The following ABCA13 variants were observed in gnomAD, a reference collection of about 807,000 sequenced individuals.
ABCA13 encodes the protein ATP-binding cassette sub-family A member 13.
A neutral mutation model predicts 478.7 loss-of-function variants in ABCA13; 476 were observed. The ratio of observed to expected loss-of-function variants is 0.99; its 90% CI spans 0.92 to 1.07. The LOEUF (loss-of-function observed/expected upper bound fraction) is 1.07, where lower values mean the gene tolerates loss of function less well. Ranked by LOEUF, ABCA13 falls within the 50% of genes least tolerant of loss-of-function variation. ABCA13 has a pLI of 0.00. For synonymous variants in ABCA13, 2,252 were observed against 2,158.9 expected (o/e 1.04, Z -1.20); for missense variants, 6,060 against 5,910.6 (o/e 1.03, Z -0.83).
At chr7:48,319,818 A>C (rs1221787242) in intron 27 of ABCA13, among the ~76,000 whole-genome samples, 1 of 152,072 alleles carries the variant, frequency 6.6e-6, no homozygotes, top group Non-Finnish European at 1.5e-5. Flanking sequence ...CTTCTCCTCT[A>C]TCTGTGAAAT....
chr7:48,272,685 A>T lies in ABCA13; in HGVS notation c.3019A>T (p.Ile1007Phe). 6.2e-7 allele frequency: 1 copy of T among 1,612,636 alleles called. No individual in the cohort carries two copies. Among genetic ancestry groups the T allele is most frequent in the South Asian group, 1.1e-5 (1 of 90,966 alleles). The change falls in exon 17 of 62, where the codon ATC becomes TTC. Residue 1007 changes from isoleucine (I) to phenylalanine (F), a missense_variant. Ile to Phe is a conservative substitution (Grantham distance 21). Transcript: ENST00000435803. ...CATAAAACAATTTAATTTCCAAAAC[A>T]TCAGTAAAGCATTTGCATTTTTATT... ...DIIKQFNFQN[I>F]SKAFAFLFKT...
intron 27 of ABCA13, among the ~76,000 whole-genome samples, chr7:48,320,124 C>G (rs1459993743): frequency 6.6e-6 from 1 of 152,150 alleles, no homozygotes; most frequent in Non-Finnish European, 1.5e-5. Context: ...ATTAAAATTT[C>G]AACAAGTTTA....
intron 59 of ABCA13, among the ~76,000 whole-genome samples, chr7:48,632,712 T>C (rs1004270372): frequency 6.6e-6 from 1 of 152,196 alleles, no homozygotes; most frequent in Non-Finnish European, 1.5e-5. Context: ...CTGGGCTTTA[T>C]GGTCAACTGA....
At chr7:48,305,012 C>T (rs781007478) in intron 23 of ABCA13, among the ~76,000 whole-genome samples, 2 of 152,232 alleles carry the variant, frequency 1.3e-5, no homozygotes, top group Non-Finnish European at 2.9e-5. Context: ...AATTCTTATT[C>T]ATCTTTTCCC....
chr7:48,249,635 A>G (rs999100025), intron 15 of ABCA13, among the ~76,000 whole-genome samples: 7 of 152,156 alleles, frequency 4.6e-5, no homozygotes, highest in East Asian at 3.8e-4. Flanking sequence ...AAATACTTCT[A>G]TATGCAGACT....
chr7:48,572,751 C>T (rs1313033777), intron 55 of ABCA13, among the ~76,000 whole-genome samples: 1 of 151,910 alleles, frequency 6.6e-6, no homozygotes, highest in Non-Finnish European at 1.5e-5. Context: ...GAATAATGGC[C>T]TCAGTAAGTA....
intron 42 of ABCA13, among the ~76,000 whole-genome samples, chr7:48,442,603 T>C (rs999134893): frequency 5.9e-5 from 9 of 152,228 alleles, no homozygotes; most frequent in Non-Finnish European, 1.2e-4. Context: ...AGAATATACA[T>C]AAATCACTGA....
intron 31 of ABCA13, among the ~76,000 whole-genome samples, chr7:48,357,535 G>T (rs1168530412): frequency 1.3e-5 from 2 of 151,934 alleles, no homozygotes; most frequent in Non-Finnish European, 2.9e-5. Flanking sequence ...GGCAGAGGAG[G>T]ATGGTTTCTC....
intron 20 of ABCA13, among the ~76,000 whole-genome samples, chr7:48,294,408 A>G (rs565558266): frequency 3.5e-5 from 5 of 142,412 alleles, no homozygotes; most frequent in African/African-American, 1.0e-4. Context: ...CCACCACCCT[A>G]TGCTTTGTTT....
At chr7:48,341,078 A>G (rs1206931727) in intron 29 of ABCA13, among the ~76,000 whole-genome samples, 1 of 152,196 alleles carries the variant, frequency 6.6e-6, no homozygotes, top group South Asian at 2.1e-4. Flanking sequence ...TGACCATTTT[A>G]GTAGTTATAA....
chr7:48,202,526 C>T (rs886185669), intron 3 of ABCA13, among the ~76,000 whole-genome samples: 1 of 150,612 alleles, frequency 6.6e-6, no homozygotes. Flanking sequence ...TACAGAGTGT[C>T]GATTGTTGCA....
chr7:48,292,913 G>A (rs577439289), intron 20 of ABCA13, among the ~76,000 whole-genome samples: 1 of 152,278 alleles, frequency 6.6e-6, no homozygotes, highest in South Asian at 2.1e-4. Context: ...CTGGCACTTG[G>A]CAGGTGCTCC....
chr7:48,244,576 A>AT lies in ABCA13; in HGVS notation c.1265dup (p.Leu422PhefsTer27), dbSNP rs1464898770. On this transcript the variant is annotated frameshift_variant and splice_region_variant, in exon 11 of 62. Transcript: ENST00000435803. LOFTEE classifies it high-confidence loss of function. ...TTCATTTATTTATTTTTGCCCTCAG[A>AT]TTACAGCATCTGTGGAAATTGCAAA... The AT allele has an allele frequency of 5.0e-6, 8 of 1,612,394 alleles. No homozygotes were observed. In the African/African-American group the frequency reaches 1.1e-4, roughly 22 times the overall value.
At position 48,645,745 on chromosome 7, in the gene ABCA13, T is replaced by C. The variant is rs1222605263; in HGVS notation, c.*233T>C. 1 of 448,710 alleles carries C rather than the reference T, an allele frequency of 2.2e-6. No homozygotes were observed. Among genetic ancestry groups the C allele is most frequent in the Non-Finnish European group, 4.0e-6 (1 of 250,314 alleles). 27.8% of individuals were successfully genotyped at this position (448,710 alleles called of 1,614,324 possible). A position where few individuals can be genotyped will look rare whatever the true frequency, so the allele number is the denominator to read the frequency against. On this transcript the variant is annotated 3_prime_UTR_variant, in exon 62 of 62. Transcript: ENST00000435803. ...GCTCCTCCAAAACATTTGTTCTCTT[T>C]ACCATGCCAGATGGACACCAGCTTC...
chr7:48,499,560 T>G (rs547507731), intron 48 of ABCA13, among the ~76,000 whole-genome samples: 1 of 152,302 alleles, frequency 6.6e-6, no homozygotes, highest in African/African-American at 2.4e-5. Flanking sequence ...CCATAACAGA[T>G]GTAGCCATAA....
At chr7:48,415,513 A>G (rs1400020007) in intron 41 of ABCA13, among the ~76,000 whole-genome samples, 1 of 152,204 alleles carries the variant, frequency 6.6e-6, no homozygotes, top group Non-Finnish European at 1.5e-5. Flanking sequence ...ATATGGACCA[A>G]GCACACTTAT....
At chr7:48,412,687 A>T in intron 41 of ABCA13, 104 bp downstream of exon 41, 1 of 685,010 alleles carries the variant, frequency 1.5e-6, no homozygotes, top group Non-Finnish European at 2.1e-6. Context: ...GGTAAGGGGG[A>T]GGAGTGTGCA....
Position 48,246,028 on chromosome 7 carries a change from G to A in ABCA13, c.1657G>A (p.Ala553Thr). The change falls in exon 13 of 62, where the codon GCT becomes ACT. Residue 553 changes from alanine (A) to threonine (T), a missense_variant and splice_region_variant. By Grantham distance (58) the Ala-to-Thr change is moderately conservative (BLOSUM62 0). This residue lies in a region of ABCA13 where 4,423 missense variants were observed against 4,309.1 expected (regional missense o/e 1.03). Coordinates refer to ENST00000435803, the MANE Select transcript of ABCA13 (RefSeq NM_152701.5). Reference sequence around the variant, plus strand: ...CAAGCTACTTGGTTCAGTAGAGGATGCTGTAAGTATTCTACCATCTTAGCT... The same window carrying A: ...CAAGCTACTTGGTTCAGTAGAGGATACTGTAAGTATTCTACCATCTTAGCT... ...LNKLLGSVED[A>T]DRILQEVITW... 3 of 1,612,390 alleles carry A rather than the reference G, an allele frequency of 1.9e-6. No individual in the cohort carries two copies. Among genetic ancestry groups the A allele is most frequent in the Non-Finnish European group, 2.5e-6 (3 of 1,179,040 alleles).
At chr7:48,408,248 C>A (rs1474151460) in intron 39 of ABCA13, among the ~76,000 whole-genome samples, 1 of 152,246 alleles carries the variant, frequency 6.6e-6, no homozygotes, top group Non-Finnish European at 1.5e-5. Context: ...TCCCTGCTCC[C>A]TGCCCCGCCA....
Sources: allele counts gnomAD v4.1 joint callset (sites outside exome capture counted in the v4.1 genomes callset), GRCh38; gene constraint gnomAD v4.1.1; regional missense constraint gnomAD v4.1.1; transcripts MANE v1.5; gene names NCBI Gene and HGNC (gene_info 2026-07-23, HGNC 2026-07-21).